The following FAM178B variants were observed in gnomAD, a reference collection of about 807,000 sequenced individuals.
The protein encoded by FAM178B is family with sequence similarity 178 member B.
Under a neutral mutation model 91.7 loss-of-function variants are expected in FAM178B, and 82 were observed. The observed-to-expected ratio is 0.89, with a 90% confidence interval of 0.75 to 1.07. The LOEUF is 1.07. Among genes scored for constraint, FAM178B ranks in the 50% least tolerant of loss-of-function variants. The pLI is 0.00. For missense variants in FAM178B, 769 were observed against 846.7 expected (o/e 0.91, Z 1.14); for synonymous variants, 368 against 359.4 (o/e 1.02, Z -0.27).
At chr2:96,982,990 T>C (rs1339189585) in intron 1 of FAM178B, among the ~76,000 whole-genome samples, 1 of 151,774 alleles carries the variant, frequency 6.6e-6, no homozygotes, top group Non-Finnish European at 1.5e-5. Flanking sequence ...GCAATCCGCC[T>C]GCCTCAGCCT....
intron 12 of FAM178B, among the ~76,000 whole-genome samples, chr2:96,917,846 A>G (rs948767592): frequency 6.6e-6 from 1 of 152,056 alleles, no homozygotes; most frequent in Non-Finnish European, 1.5e-5. Context: ...ACAGAGTGAG[A>G]CCCTCTCTCA....
At chr2:96,890,449 G>A (rs572898460) in intron 14 of FAM178B, among the ~76,000 whole-genome samples, 2 of 152,298 alleles carry the variant, frequency 1.3e-5, no homozygotes, top group South Asian at 4.1e-4. Context: ...GAGCAATAGA[G>A]TGAGACAGGC....
At chr2:96,881,940 A>G (rs1044505542) in intron 14 of FAM178B, among the ~76,000 whole-genome samples, 4 of 152,132 alleles carry the variant, frequency 2.6e-5, no homozygotes, top group Non-Finnish European at 4.4e-5. Context: ...GGTGCTTCCT[A>G]TAAGGAAGAC....
intron 14 of FAM178B, 54 bp downstream of exon 14, chr2:96,893,872 A>T: frequency 6.3e-7 from 1 of 1,580,390 alleles, no homozygotes; most frequent in Non-Finnish European, 8.6e-7. Flanking sequence ...TTTCCCTGCT[A>T]CCTGTGGTGG....
At chr2:96,920,639 A>G (rs1343065938) in intron 12 of FAM178B, among the ~76,000 whole-genome samples, 1 of 152,180 alleles carries the variant, frequency 6.6e-6, no homozygotes, top group African/African-American at 2.4e-5. Flanking sequence ...GCCGAACAGC[A>G]CGCTAGGCAC....
chr2:96,895,517 G>A (rs147762702), intron 13 of FAM178B, among the ~76,000 whole-genome samples: 51 of 152,332 alleles, frequency 3.3e-4, no homozygotes, highest in Non-Finnish European at 6.0e-4. Flanking sequence ...GCTCCTTCTG[G>A]CCCAGTGCAT....
intron 12 of FAM178B, among the ~76,000 whole-genome samples, chr2:96,916,100 A>G (rs1296366892): frequency 6.6e-6 from 1 of 152,212 alleles, no homozygotes; most frequent in African/African-American, 2.4e-5. Flanking sequence ...TGACATTGCT[A>G]TGCCAAACAT....
rs192396144 is a variant in FAM178B, at chr2:96,890,000, G to T, written c.1776+3926C>A. On this transcript the variant is annotated intron_variant, in intron 14 of 16. Transcript: ENST00000490605. ...TTAAAAAAAAAAAAAAATTGGCTGGGCGTGGTGGCTCACACCTGTAATCCT... is the reference window on the plus strand; with the variant it reads ...TTAAAAAAAAAAAAAAATTGGCTGGTCGTGGTGGCTCACACCTGTAATCCT... Among the ~76,000 whole-genome samples the T allele has an allele frequency of 2.6e-4, 39 of 151,686 alleles. 1 individual carries two copies. Among genetic ancestry groups the T allele is most frequent in the African/African-American group, 9.4e-4 (39 of 41,388 alleles).
chr2:96,973,770 G>A (rs567546030), intron 1 of FAM178B, among the ~76,000 whole-genome samples: 1 of 152,194 alleles, frequency 6.6e-6, no homozygotes, highest in Admixed American at 6.5e-5. Context: ...GGAGGCCGAG[G>A]AGGGTGGGTC....
intron 8 of FAM178B, among the ~76,000 whole-genome samples, chr2:96,932,244 T>C (rs912409993): frequency 4.6e-5 from 7 of 152,220 alleles, no homozygotes; most frequent in African/African-American, 1.7e-4. Context: ...GTGCCCACTC[T>C]GCCAGCCTCC....
chr2:96,981,119 C>T (rs2082355043), intron 1 of FAM178B, among the ~76,000 whole-genome samples: 1 of 152,120 alleles, frequency 6.6e-6, no homozygotes, highest in Non-Finnish European at 1.5e-5. Flanking sequence ...GCACCCGCCA[C>T]CATGCCCAGT....
At chr2:96,932,613 CA>C (rs1057509229) in intron 8 of FAM178B, among the ~76,000 whole-genome samples, 1 of 152,144 alleles carries the variant, frequency 6.6e-6, no homozygotes, top group Non-Finnish European at 1.5e-5. Context: ...AGGTGATGCC[CA>C]GGGGAGCACC....
At chr2:96,883,422 C>T (rs932169856) in intron 14 of FAM178B, among the ~76,000 whole-genome samples, 16 of 152,316 alleles carry the variant, frequency 1.1e-4, no homozygotes, top group African/African-American at 2.4e-4. Flanking sequence ...GGAAGCCACT[C>T]GCTCTGGCCA....
intron 14 of FAM178B, among the ~76,000 whole-genome samples, chr2:96,886,319 C>T (rs756065795): frequency 1.3e-4 from 20 of 152,352 alleles, no homozygotes; most frequent in African/African-American, 2.6e-4. Context: ...GGCTTAGAGA[C>T]GGGCACCTGA....
At chr2:96,956,430 C>G (rs1451914460) in intron 6 of FAM178B, among the ~76,000 whole-genome samples, 2 of 152,218 alleles carry the variant, frequency 1.3e-5, no homozygotes, top group Non-Finnish European at 2.9e-5. Flanking sequence ...TCCAACAGGA[C>G]AGCTGCTGGG....
intron 9 of FAM178B, among the ~76,000 whole-genome samples, chr2:96,926,991 T>A (rs1234573001): frequency 6.6e-6 from 1 of 152,132 alleles, no homozygotes; most frequent in Non-Finnish European, 1.5e-5. Flanking sequence ...AAAAGATGCC[T>A]GGGCGGAGCC....
In FAM178B at chr2:96,929,204, A is replaced by C; in HGVS notation, c.1193+2T>G. On this transcript the variant is annotated splice_donor_variant, in intron 9 of 16. Coordinates refer to ENST00000490605, the MANE Select transcript of FAM178B (RefSeq NM_001122646.3). LOFTEE classifies it high-confidence loss of function. ...AGGCAGTGAGGAAGCAGAAGTACTC[A>C]CCTGCCACCGTGCCAAAAGGGCCCC... 6.5e-7 allele frequency: 1 copy of C among 1,542,734 alleles called. No homozygotes were observed. The highest frequency in any genetic ancestry group is 2.4e-5 in the East Asian group (1 of 40,866).
At chr2:96,942,979 C>T (rs1202503928) in intron 8 of FAM178B, among the ~76,000 whole-genome samples, 1 of 152,094 alleles carries the variant, frequency 6.6e-6, no homozygotes, top group South Asian at 2.1e-4. Flanking sequence ...CTGTCTCAAA[C>T]CACATACAAA....
chr2:96,939,223 G>C (rs555488453), intron 8 of FAM178B: 1 of 150,902 alleles, frequency 6.6e-6, no homozygotes, highest in Non-Finnish European at 1.5e-5. Context: ...AAGGCCAGGC[G>C]CGGTGGCTCA....
Sources: allele counts gnomAD v4.1 joint callset (sites outside exome capture counted in the v4.1 genomes callset), GRCh38; gene constraint gnomAD v4.1.1; transcripts MANE v1.5; gene names NCBI Gene and HGNC (gene_info 2026-07-23, HGNC 2026-07-21).